Variants in SGCZ observed in about 807,000 individuals in gnomAD.
SGCZ encodes the protein zeta-sarcoglycan.
SGCZ carries 40 observed loss-of-function variants against 41.3 expected under a neutral mutation model. The observed-to-expected ratio is 0.97, with a 90% CI of 0.75 to 1.26. SGCZ has a LOEUF of 1.26. Ranked by LOEUF, SGCZ falls within the 50% of genes most tolerant of loss-of-function variation. The pLI, the probability that SGCZ is intolerant of heterozygous loss-of-function variation, is 0.00. For missense variants in SGCZ, 552 were observed against 369.8 expected (o/e 1.49, Z -4.04); for synonymous variants, 206 against 137.5 (o/e 1.50, Z -3.49).
Position 14,813,571 on chromosome 8 carries a change from G to A in SGCZ, c.40-258645C>T, listed in dbSNP as rs1801800280. ...CACACTTTTGGACTGAGAAAATCTT[G>A]CTCTGAAATTCCAGCTCCAGTACAC... On this transcript the variant is annotated intron_variant, in intron 1 of 7. Transcript: ENST00000382080. Among the ~76,000 whole-genome samples the A allele has an allele frequency of 2.0e-5, 3 of 152,256 alleles. No homozygotes were observed. The South Asian group carries it at 6.2e-4, about 32-fold the overall frequency.
At chr8:14,702,435 G>C (rs1015923679) in intron 1 of SGCZ, among the ~76,000 whole-genome samples, 1 of 151,670 alleles carries the variant, frequency 6.6e-6, no homozygotes, top group African/African-American at 2.4e-5. Context: ...TTATATCTAC[G>C]ACTAAATAGG....
At chr8:14,954,470 C>T (rs1800734337) in intron 1 of SGCZ, among the ~76,000 whole-genome samples, 1 of 152,114 alleles carries the variant, frequency 6.6e-6, no homozygotes, top group Non-Finnish European at 1.5e-5. Flanking sequence ...GGAGTTGCAG[C>T]TTGTTAAAAC....
chr8:14,744,268 C>G (rs1404387109), intron 1 of SGCZ, among the ~76,000 whole-genome samples: 1 of 152,144 alleles, frequency 6.6e-6, no homozygotes, highest in Admixed American at 6.6e-5. Context: ...ATTTACTTCC[C>G]TGCTTTCATT....
At chr8:15,208,080 T>G (rs1801127150) in intron 1 of SGCZ, among the ~76,000 whole-genome samples, 1 of 152,194 alleles carries the variant, frequency 6.6e-6, no homozygotes, top group Non-Finnish European at 1.5e-5. Flanking sequence ...TTTCCTCTGT[T>G]AAGAAAGAGT....
intron 1 of SGCZ, among the ~76,000 whole-genome samples, chr8:15,224,769 T>C (rs930952292): frequency 6.6e-6 from 1 of 152,150 alleles, no homozygotes; most frequent in African/African-American, 2.4e-5. Flanking sequence ...AAAATAAAGC[T>C]GGATAATGCT....
intron 1 of SGCZ, chr8:14,879,368 G>T (rs1804490786): frequency 2.0e-5 from 3 of 151,572 alleles, no homozygotes; most frequent in African/African-American, 7.3e-5. Flanking sequence ...AAAAAGACCA[G>T]AAAAACAACA....
intron 1 of SGCZ, among the ~76,000 whole-genome samples, chr8:14,703,545 C>G (rs1433909090): frequency 6.6e-6 from 1 of 151,898 alleles, no homozygotes; most frequent in Non-Finnish European, 1.5e-5. Flanking sequence ...ATATTTCATG[C>G]CAGCTACACA....
At chr8:14,375,386 G>C (rs1804080255) in intron 2 of SGCZ, among the ~76,000 whole-genome samples, 1 of 152,062 alleles carries the variant, frequency 6.6e-6, no homozygotes, top group South Asian at 2.1e-4. Context: ...ATATATGTGA[G>C]AATAAAGAAG....
At chr8:14,759,291 G>A (rs1216773571) in intron 1 of SGCZ, among the ~76,000 whole-genome samples, 1 of 151,954 alleles carries the variant, frequency 6.6e-6, no homozygotes, top group Non-Finnish European at 1.5e-5. Context: ...TGGAGACAAG[G>A]AGAAGGAAAC....
chr8:14,992,466 C>A (rs367828294), intron 1 of SGCZ, among the ~76,000 whole-genome samples: 4 of 147,254 alleles, frequency 2.7e-5, no homozygotes, highest in South Asian at 2.2e-4. Flanking sequence ...CTCATCCAAT[C>A]TACTCCCAAA....
At chr8:14,511,328 G>A (rs1408758245) in intron 2 of SGCZ, among the ~76,000 whole-genome samples, 1 of 151,904 alleles carries the variant, frequency 6.6e-6, no homozygotes, top group East Asian at 1.9e-4. Context: ...ACGTTTTATG[G>A]ATTGGGAGAT....
intron 1 of SGCZ, among the ~76,000 whole-genome samples, chr8:14,883,823 CTGT>C (rs897200641): frequency 4.5e-5 from 5 of 110,254 alleles, no homozygotes; most frequent in Non-Finnish European, 9.2e-5. Context: ...TTCTATTTTG[CTGT>C]TGTTGTTGTT....
chr8:14,461,649 G>A (rs940596487), intron 2 of SGCZ, among the ~76,000 whole-genome samples: 1 of 152,056 alleles, frequency 6.6e-6, no homozygotes, highest in Admixed American at 6.6e-5. Flanking sequence ...GTGACAGCCT[G>A]CTGCAAAACT....
rs557852323 is a variant in SGCZ, at chr8:14,681,842, A to G, written c.40-126916T>C. ...AGCCCATGGGCTTTTAGATGACACA[A>G]GTGAATTCAACAGGCATCTTAGGGA... On this transcript the variant is annotated intron_variant, in intron 1 of 7. Coordinates refer to ENST00000382080, the MANE Select transcript of SGCZ (RefSeq NM_139167.4). Among the ~76,000 whole-genome samples the G allele has an allele frequency of 2.0e-5, 3 of 152,270 alleles. No individual in the cohort carries two copies. The South Asian group carries it at 6.2e-4, about 32-fold the overall frequency.
At chr8:14,915,502 C>T (rs866198532) in intron 1 of SGCZ, among the ~76,000 whole-genome samples, 1 of 152,252 alleles carries the variant, frequency 6.6e-6, no homozygotes, top group Middle Eastern at 3.4e-3. Flanking sequence ...CCAGAAGGAA[C>T]CAGGGCCTAG....
rs766551183 is a variant in SGCZ, at chr8:14,700,028, A to C, written c.40-145102T>G. On this transcript the variant is annotated intron_variant, in intron 1 of 7. Coordinates refer to ENST00000382080, the MANE Select transcript of SGCZ (RefSeq NM_139167.4). Reference sequence around the variant, plus strand: ...GGCAGAAATGTAAATTTGTTCAGCCACTGTGGAAAACAGATTGGAGATTTC... The same window carrying C: ...GGCAGAAATGTAAATTTGTTCAGCCCCTGTGGAAAACAGATTGGAGATTTC... Among the ~76,000 whole-genome samples the C allele has an allele frequency of 3.6e-4, 55 of 152,044 alleles. 1 individual carries two copies. The highest frequency in any genetic ancestry group is 3.2e-3 in the Middle Eastern group (1 of 316).
chr8:14,152,234 CA>C (rs143508388), intron 5 of SGCZ, among the ~76,000 whole-genome samples: 1 of 151,540 alleles, frequency 6.6e-6, no homozygotes. Context: ...AAAACCATAA[CA>C]AAAAAAACTC....
Position 14,361,071 on chromosome 8 carries a change from C to T in SGCZ, c.235-36867G>A, listed in dbSNP as rs1049004996. 2.0e-5 allele frequency among the ~76,000 whole-genome samples: 3 copies of T among 152,088 alleles called. No homozygotes were observed. The South Asian group carries it at 6.2e-4, about 31-fold the overall frequency. On this transcript the variant is annotated intron_variant, in intron 2 of 7. Coordinates refer to ENST00000382080, the MANE Select transcript of SGCZ (RefSeq NM_139167.4). ...AACATCTTTCCATGTGCTTTTTTGC[C>T]ATCTGCATATCCTCTTTAGTAAAAT...
rs566570349 is a variant in SGCZ, at chr8:14,937,062, AG to A, written c.39+300522del. ...TGATAAGAGCAGAGATTAATAAGAT[AG>A]AAAATAAGATAAAAATGAAAAGTTT... On this transcript the variant is annotated intron_variant, in intron 1 of 7. Coordinates refer to ENST00000382080, the MANE Select transcript of SGCZ (RefSeq NM_139167.4). 3.9e-5 allele frequency among the ~76,000 whole-genome samples: 6 copies of A among 151,994 alleles called. No individual in the cohort carries two copies. The South Asian group carries it at 1.2e-3, about 31-fold the overall frequency.
Sources: gnomAD v4.1 joint callset for allele counts (sites outside exome capture counted in the v4.1 genomes callset) on GRCh38, gnomAD v4.1.1 for gene constraint, MANE v1.5 for transcripts, NCBI Gene and HGNC (gene_info 2026-07-23, HGNC 2026-07-21) for gene names.